Variants in CLPB observed in about 807,000 individuals in gnomAD.
CLPB encodes ClpB family mitochondrial disaggregase.
Under a neutral mutation model 78.4 loss-of-function variants are expected in CLPB, and 40 were observed. The ratio of observed to expected loss-of-function variants is 0.51; its 90% CI spans 0.40 to 0.66. The LOEUF is 0.66. Among genes scored for constraint, CLPB ranks in the 30% least tolerant of loss-of-function variants. The pLI, the probability that CLPB is intolerant of heterozygous loss-of-function variation, is 0.00. For missense variants in CLPB, 780 were observed against 886.9 expected, an observed-to-expected ratio of 0.88 and a Z score of 1.53; for synonymous variants, 333 against 348.0, an observed-to-expected ratio of 0.96 and a Z score of 0.48.
intron 5 of CLPB, among the ~76,000 whole-genome samples, chr11:72,331,305 G>C (rs181813609): frequency 1.3e-5 from 2 of 151,588 alleles, no homozygotes; most frequent in African/African-American, 4.8e-5. Context: ...TCAGGAGGCC[G>C]AGGCAGGAAA....
At chr11:72,402,894 T>C (rs1855603560) in intron 3 of CLPB, 72 bp downstream of exon 3, 1 of 1,266,336 alleles carries the variant, frequency 7.9e-7, no homozygotes, top group Admixed American at 1.8e-5. Context: ...GCACACCAGG[T>C]GGGAGAGTGC....
intron 8 of CLPB, 112 bp from the exon 9 acceptor site, chr11:72,307,366 A>T: frequency 3.3e-6 from 3 of 900,264 alleles, no homozygotes; most frequent in Non-Finnish European, 5.4e-6. Flanking sequence ...ATGGATGAGA[A>T]TGTTGAGGCG....
intron 12 of CLPB, 38 bp downstream of exon 12, chr11:72,295,454 T>G: frequency 6.3e-7 from 1 of 1,599,738 alleles, no homozygotes; most frequent in Non-Finnish European, 8.6e-7. Context: ...GCTGGTGGCT[T>G]GGTCACTGGA....
At chr11:72,331,028 T>C (rs1950214925) in intron 5 of CLPB, among the ~76,000 whole-genome samples, 1 of 152,096 alleles carries the variant, frequency 6.6e-6, no homozygotes, top group East Asian at 1.9e-4. Context: ...GATACAGAAG[T>C]ATTCCTATTG....
intron 4 of CLPB, among the ~76,000 whole-genome samples, chr11:72,369,918 T>A (rs372763722): frequency 2.0e-5 from 3 of 152,036 alleles, no homozygotes; most frequent in South Asian, 4.2e-4. Flanking sequence ...TAAAGTGTTA[T>A]TATTGTTGGG....
At chr11:72,392,399 G>A (rs890078216) in intron 3 of CLPB, among the ~76,000 whole-genome samples, 2 of 152,114 alleles carry the variant, frequency 1.3e-5, no homozygotes, top group Non-Finnish European at 2.9e-5. Flanking sequence ...CAGGAAAGCC[G>A]GGTGGCCCAA....
At chr11:72,366,610 C>T (rs1362002478) in intron 4 of CLPB, among the ~76,000 whole-genome samples, 1 of 152,148 alleles carries the variant, frequency 6.6e-6, no homozygotes, top group African/African-American at 2.4e-5. Context: ...AAGGACATTT[C>T]TCAAAAGAAG....
Position 72,286,287 on chromosome 11 carries a change from G to A in CLPB, c.*7080C>T, listed in dbSNP as rs1949390375. 1 of 135,806 alleles carries A rather than the reference G, an allele frequency of 7.4e-6. No homozygotes were observed. Among genetic ancestry groups the A allele is most frequent in the South Asian group, 2.4e-4 (1 of 4,096 alleles). 8.4% of individuals were successfully genotyped at this position (135,806 alleles called of 1,614,324 possible). On this transcript the variant is annotated 3_prime_UTR_variant, in exon 16 of 16. Transcript: ENST00000538039. ...ACTCTGCCACCCAGCCTGGAGTGCA[G>A]TGGCATGATCATAGCTCACTGTAAC...
At chr11:72,347,122 T>C (rs1950531171) in intron 5 of CLPB, among the ~76,000 whole-genome samples, 1 of 152,064 alleles carries the variant, frequency 6.6e-6, no homozygotes, top group Non-Finnish European at 1.5e-5. Flanking sequence ...GTGCTGGAGT[T>C]AGAAAACATG....
chr11:72,359,652 A>G (rs1950795595), intron 4 of CLPB, among the ~76,000 whole-genome samples: 1 of 152,226 alleles, frequency 6.6e-6, no homozygotes. Flanking sequence ...AAAGGAACCA[A>G]TATCTCAGTG....
chr11:72,424,479 G>T (rs967320437), intron 2 of CLPB, among the ~76,000 whole-genome samples: 15 of 152,278 alleles, frequency 9.9e-5, no homozygotes, highest in African/African-American at 2.9e-4. Flanking sequence ...TGCCTCTTCT[G>T]CGTGGTGGCT....
At chr11:72,380,627 C>G (rs191330594) in intron 3 of CLPB, among the ~76,000 whole-genome samples, 1 of 152,028 alleles carries the variant, frequency 6.6e-6, no homozygotes, top group Non-Finnish European at 1.5e-5. Context: ...TTACTTGAGT[C>G]CGGGAGTTCA....
At chr11:72,423,614 C>T (rs1334680682) in intron 2 of CLPB, among the ~76,000 whole-genome samples, 2 of 152,230 alleles carry the variant, frequency 1.3e-5, no homozygotes, top group East Asian at 1.9e-4. Context: ...CTGTTCTCTA[C>T]CAAACAACCA....
chr11:72,342,771 T>C (rs1313415516), intron 5 of CLPB, among the ~76,000 whole-genome samples: 1 of 152,170 alleles, frequency 6.6e-6, no homozygotes, highest in Admixed American at 6.5e-5. Flanking sequence ...GCAGTCATAA[T>C]TACACTGTTA....
At chr11:72,326,254 T>C (rs781654990) in intron 6 of CLPB, among the ~76,000 whole-genome samples, 4 of 152,146 alleles carry the variant, frequency 2.6e-5, no homozygotes, top group Non-Finnish European at 5.9e-5. Context: ...GTCTTTGAAT[T>C]AAATTCAGCT....
chr11:72,294,321 T>G lies in CLPB; in HGVS notation c.1680+4A>C. On this transcript the variant is annotated splice_donor_region_variant and intron_variant, in intron 14 of 15. Transcript: ENST00000538039. The stretch of plus-strand genomic sequence containing the variant: ...GCCCCCACCCATGGGCAGTTCCCTC[T>G]TACTCTCTTGGCCCAGAAGTTTAGT... 6.2e-7 allele frequency: 1 copy of G among 1,614,180 alleles called. No individual in the cohort carries two copies. The highest frequency in any genetic ancestry group is 8.5e-7 in the Non-Finnish European group (1 of 1,180,016).
chr11:72,287,731 C>CAAACT lies in CLPB; in HGVS notation c.*5631_*5635dup, dbSNP rs1949406742. ...TTCTTGGGTAACCAACTGGCCTATT[C>CAAACT]AAACTATTTCTAGGATCAGTGTTTG... On this transcript the variant is annotated 3_prime_UTR_variant, in exon 16 of 16. Transcript: ENST00000538039. The CAAACT allele has an allele frequency of 6.6e-6, 1 of 152,216 alleles. No homozygotes were observed. The highest frequency in any genetic ancestry group is 1.5e-5 in the Non-Finnish European group (1 of 68,042). 9.4% of individuals were successfully genotyped at this position (152,216 alleles called of 1,614,324 possible).
rs1565418301 is a variant in CLPB, at chr11:72,294,103, CG to C, written c.1703del (p.Thr568SerfsTer29). 1 of 1,614,172 alleles carries C rather than the reference CG, an allele frequency of 6.2e-7. No individual in the cohort carries two copies. Among genetic ancestry groups the C allele is most frequent in the South Asian group, 1.1e-5 (1 of 91,068 alleles). ...AKRAKQRHNI[T>X]LLWDREVADV... Reference sequence around the variant, plus strand: ...CTGCCACCTCGCGGTCCCAGAGCAGCGTGATGTTGTGCCTTTGCTTGGCCTG... The same window carrying C: ...CTGCCACCTCGCGGTCCCAGAGCAGCTGATGTTGTGCCTTTGCTTGGCCTG... On this transcript the variant is annotated frameshift_variant, in exon 15 of 16. Transcript: ENST00000538039. LOFTEE classifies it high-confidence loss of function.
At chr11:72,359,069 C>A in intron 4 of CLPB, 61 bp from the exon 5 acceptor site, 4 of 1,608,570 alleles carry the variant, frequency 2.5e-6, no homozygotes, top group Non-Finnish European at 3.4e-6. Flanking sequence ...ACCAATCTCA[C>A]CTGTTTTCTA....
Sources: allele counts gnomAD v4.1 joint callset (sites outside exome capture counted in the v4.1 genomes callset), GRCh38; gene constraint gnomAD v4.1.1; transcripts MANE v1.5; gene names NCBI Gene and HGNC (gene_info 2026-07-23, HGNC 2026-07-21).